The following PUS7L variants were observed in gnomAD, a reference collection of about 807,000 sequenced individuals.
PUS7L encodes the protein pseudouridylate synthase PUS7L.
PUS7L carries 49 observed loss-of-function variants against 51.1 expected under a neutral mutation model. That is an observed-to-expected ratio of 0.96 (90% CI 0.76 to 1.22). The LOEUF (loss-of-function observed/expected upper bound fraction) is 1.22. Among genes scored for constraint, PUS7L ranks in the 50% most tolerant of loss-of-function variants. The probability of loss-of-function intolerance (pLI) is 0.00; values close to 1 mark genes in which losing one functional copy is unlikely to be tolerated. For synonymous variants in PUS7L, 277 were observed against 276.2 expected, an observed-to-expected ratio of 1.00 and a Z score of -0.03; for missense variants, 828 against 820.6, an observed-to-expected ratio of 1.01 and a Z score of -0.11.
chr12:43,755,383 T>C (rs943115173), intron 1 of PUS7L, 122 bp from the exon 2 acceptor site: 1 of 614,826 alleles, frequency 1.6e-6, no homozygotes, highest in Non-Finnish European at 2.8e-6. Context: ...TCTTCTTAAA[T>C]GGTATCATTA....
At chr12:43,748,724 T>C (rs1938297112) in intron 2 of PUS7L, 115 bp from the exon 3 acceptor site, 9 of 869,186 alleles carry the variant, frequency 1.0e-5, no homozygotes, top group Middle Eastern at 7.2e-4. Flanking sequence ...AGTTTTGTTG[T>C]TGTTGTTGTT....
chr12:43,751,483 T>C (rs1938442280), intron 2 of PUS7L, among the ~76,000 whole-genome samples: 1 of 152,036 alleles, frequency 6.6e-6, no homozygotes, highest in South Asian at 2.1e-4. Flanking sequence ...TTGCTGAGAA[T>C]GATGGTTTCC....
intron 3 of PUS7L, 49 bp downstream of exon 3, chr12:43,748,401 C>A (rs1938274564): frequency 7.4e-7 from 1 of 1,343,612 alleles, no homozygotes; most frequent in Non-Finnish European, 1.0e-6. Flanking sequence ...CAATTTAAAT[C>A]TTCCACTTCT....
chr12:43,732,035 CAATCTTTTTCTA>C (rs1944568888), intron 7 of PUS7L, among the ~76,000 whole-genome samples: 1 of 152,180 alleles, frequency 6.6e-6, no homozygotes, highest in Non-Finnish European at 1.5e-5. Context: ...CAATCACCAG[CAATCTTTTTCTA>C]AATCACAAAG....
intron 3 of PUS7L, among the ~76,000 whole-genome samples, chr12:43,746,508 C>G (rs10880562): frequency 0.2 from 30,266 of 152,072 alleles, 4,291 homozygotes; most frequent in African/African-American, 0.4. Context: ...TTCTCCTTAG[C>G]TCGAGTGACA....
rs1944496138 is a variant in PUS7L, at chr12:43,729,138, T to A, written c.*1238A>T. On this transcript the variant is annotated 3_prime_UTR_variant, in exon 9 of 9. Coordinates refer to ENST00000344862, the MANE Select transcript of PUS7L (RefSeq NM_031292.5). ...ACTACATATTTTACCATCAAGTTGA[T>A]ACACATCATTTTACTTACTTTAGTT... 7.6e-6 allele frequency: 3 copies of A among 397,008 alleles called. No individual in the cohort carries two copies. The highest frequency in any genetic ancestry group is 1.3e-5 in the Non-Finnish European group (3 of 224,972). 24.6% of individuals were successfully genotyped at this position (397,008 alleles called of 1,614,324 possible). A position where few individuals can be genotyped will look rare whatever the true frequency, so the allele number is the denominator to read the frequency against.
chr12:43,749,163 C>T (rs1257566184), intron 2 of PUS7L, among the ~76,000 whole-genome samples: 2 of 152,120 alleles, frequency 1.3e-5, no homozygotes, highest in Non-Finnish European at 2.9e-5. Flanking sequence ...TGGCCAAATC[C>T]ACTTTTCCTG....
In PUS7L at chr12:43,722,293, C is replaced by T. The variant is rs1944406057; in HGVS notation, c.*8083G>A. 1.3e-5 allele frequency: 2 copies of T among 151,862 alleles called. No individual in the cohort carries two copies. Among genetic ancestry groups the T allele is most frequent in the African/African-American group, 2.4e-5 (1 of 41,334 alleles). 9.4% of individuals were successfully genotyped at this position (151,862 alleles called of 1,614,324 possible). On this transcript the variant is annotated 3_prime_UTR_variant, in exon 9 of 9. Transcript: ENST00000344862. ...GAAAGCTTCTGAAATGTTCTATGGC[C>T]CCAAAACAATGACATTTCTACTTTT...
chr12:43,743,687 C>A (rs1016980671), intron 4 of PUS7L, among the ~76,000 whole-genome samples: 1 of 151,634 alleles, frequency 6.6e-6, no homozygotes, highest in Admixed American at 6.6e-5. Flanking sequence ...GGCGTGAACC[C>A]GGGAGGGGGT....
At chr12:43,755,933 C>T (rs934707376) in intron 1 of PUS7L, among the ~76,000 whole-genome samples, 1 of 152,188 alleles carries the variant, frequency 6.6e-6, no homozygotes, top group African/African-American at 2.4e-5. Context: ...TTCCTGGAAA[C>T]ACTATGCAAG....
intron 2 of PUS7L, among the ~76,000 whole-genome samples, chr12:43,750,146 T>C (rs960593523): frequency 3.9e-5 from 6 of 152,118 alleles, no homozygotes; most frequent in Non-Finnish European, 7.3e-5. Context: ...CTAACAATTT[T>C]GGACATGTCA....
intron 7 of PUS7L, 52 bp from the exon 8 acceptor site, chr12:43,731,810 C>A: frequency 9.0e-7 from 1 of 1,105,768 alleles, no homozygotes; most frequent in Non-Finnish European, 1.4e-6. Flanking sequence ...TTCCAAATTT[C>A]CACCACTTTC....
At chr12:43,750,920 GAGA>G (rs1210481615) in intron 2 of PUS7L, among the ~76,000 whole-genome samples, 3 of 152,304 alleles carry the variant, frequency 2.0e-5, no homozygotes, top group South Asian at 2.1e-4. Context: ...AAGCTTTGTA[GAGA>G]AGAAGTTCCA....
rs1353592319 is a variant in PUS7L at position 43,727,679 on chromosome 12, C to G, written c.*2697G>C. The stretch of plus-strand genomic sequence containing the variant: ...AGGGAACAATAGGCACCATGGCCTA[C>G]TTGAGGGTGGAGGGTGGGAGAAAGA... On this transcript the variant is annotated 3_prime_UTR_variant, in exon 9 of 9. Transcript: ENST00000344862. 3.9e-5 allele frequency: 6 copies of G among 151,982 alleles called. No homozygotes were observed. Among genetic ancestry groups the G allele is most frequent in the African/African-American group, 1.2e-4 (5 of 41,396 alleles). 9.4% of individuals were successfully genotyped at this position (151,982 alleles called of 1,614,324 possible).
intron 6 of PUS7L, among the ~76,000 whole-genome samples, chr12:43,737,655 G>C (rs535107821): frequency 6.6e-6 from 1 of 151,604 alleles, no homozygotes; most frequent in South Asian, 2.1e-4. Context: ...ATTATTCCAA[G>C]GGCATATCTA....
intron 3 of PUS7L, among the ~76,000 whole-genome samples, chr12:43,746,610 T>C (rs1404290273): frequency 6.6e-6 from 1 of 152,180 alleles, no homozygotes; most frequent in Non-Finnish European, 1.5e-5. Flanking sequence ...GAAAAATCAC[T>C]AGCACCAGAG....
In PUS7L at chr12:43,722,426, T is replaced by C. The variant is rs561338314; in HGVS notation, c.*7950A>G. On this transcript the variant is annotated 3_prime_UTR_variant, in exon 9 of 9. Transcript: ENST00000344862. Reference sequence around the variant, plus strand: ...ATCAAAATAAAGAAGACATAAAAAATAGTCATCAAATGTTTTCAATGCATT... The same window carrying C: ...ATCAAAATAAAGAAGACATAAAAAACAGTCATCAAATGTTTTCAATGCATT... The C allele has an allele frequency of 6.6e-6, 1 of 152,196 alleles. No homozygotes were observed. The highest frequency in any genetic ancestry group is 1.5e-5 in the Non-Finnish European group (1 of 67,962). The allele number at this position is 152,196 out of a possible 1,614,324, so 9.4% of individuals were successfully genotyped here.
At chr12:43,748,978 T>C (rs954582979) in intron 2 of PUS7L, among the ~76,000 whole-genome samples, 9 of 152,156 alleles carry the variant, frequency 5.9e-5, no homozygotes, top group African/African-American at 2.2e-4. Flanking sequence ...TGCCTCGGCC[T>C]CCCAAAGTGC....
chr12:43,731,813 C>G, intron 7 of PUS7L, 55 bp from the exon 8 acceptor site: 1 of 1,087,912 alleles, frequency 9.2e-7, no homozygotes, highest in Non-Finnish European at 1.4e-6. Flanking sequence ...CAAATTTCCA[C>G]CACTTTCAAT....
Sources: gnomAD v4.1 joint callset for allele counts (sites outside exome capture counted in the v4.1 genomes callset) on GRCh38, gnomAD v4.1.1 for gene constraint, MANE v1.5 for transcripts, NCBI Gene and HGNC (gene_info 2026-07-23, HGNC 2026-07-21) for gene names.